The following SIPA1L3 variants were observed in gnomAD, a reference collection of about 807,000 sequenced individuals.
SIPA1L3 encodes the protein signal induced proliferation associated 1 like 3.
Under a neutral mutation model 150.1 loss-of-function variants are expected in SIPA1L3, and 59 were observed. The ratio of observed to expected loss-of-function variants is 0.39; its 90% confidence interval spans 0.32 to 0.49. The LOEUF (loss-of-function observed/expected upper bound fraction) is 0.49, where lower values mean the gene tolerates loss of function less well. Ranked by LOEUF, SIPA1L3 falls within the 20% of genes least tolerant of loss-of-function variation. SIPA1L3 has a pLI of 0.86. For missense variants in SIPA1L3, 2,211 were observed against 2,489.5 expected (o/e 0.89, Z 2.38); for synonymous variants, 1,070 against 1,077.6 (o/e 0.99, Z 0.14).
At chr19:37,935,009 C>T (rs1326170962) in intron 1 of SIPA1L3, among the ~76,000 whole-genome samples, 1 of 151,864 alleles carries the variant, frequency 6.6e-6, no homozygotes, top group African/African-American at 2.4e-5. Context: ...TATTGATAAC[C>T]TTCTTTAATT....
At chr19:38,129,495 C>T (rs28581256) in intron 9 of SIPA1L3, among the ~76,000 whole-genome samples, 22,645 of 151,690 alleles carry the variant, frequency 0.15, 1,757 homozygotes, top group African/African-American at 0.19. Context: ...CATGGTGGCG[C>T]GTGCCTGTAA....
intron 6 of SIPA1L3, among the ~76,000 whole-genome samples, chr19:38,105,911 A>T (rs1450222158): frequency 6.6e-6 from 1 of 152,214 alleles, no homozygotes; most frequent in Non-Finnish European, 1.5e-5. Flanking sequence ...TTATCAATTA[A>T]GCCTATCTTC....
At chr19:38,091,784 G>T (rs548874028) in intron 4 of SIPA1L3, among the ~76,000 whole-genome samples, 1 of 152,160 alleles carries the variant, frequency 6.6e-6, no homozygotes, top group Non-Finnish European at 1.5e-5. Context: ...TAGGCGGGGC[G>T]TGGAGGCTCA....
At chr19:38,125,506 C>T (rs1485448734) in intron 9 of SIPA1L3, among the ~76,000 whole-genome samples, 3 of 151,964 alleles carry the variant, frequency 2.0e-5, no homozygotes, top group Non-Finnish European at 4.4e-5. Flanking sequence ...TTGGCGGAGT[C>T]CTTTTGGAGC....
rs1408490388 is a variant in SIPA1L3, at chr19:37,986,646, T to G, written c.-378-42443T>G. On this transcript the variant is annotated intron_variant, in intron 1 of 21. Transcript: ENST00000222345. ...GAAGACTGCTTCCTCCAGGGCAGCT[T>G]CTTCTTTTCTTAACCCTGGCTGCAC... Among the ~76,000 whole-genome samples the G allele has an allele frequency of 2.0e-5, 3 of 152,306 alleles. No homozygotes were observed. In the South Asian group the frequency reaches 6.2e-4, roughly 32 times the overall value.
At chr19:37,950,972 A>G (rs2046758551) in intron 1 of SIPA1L3, among the ~76,000 whole-genome samples, 1 of 152,202 alleles carries the variant, frequency 6.6e-6, no homozygotes, top group Admixed American at 6.5e-5. Flanking sequence ...GGTGGAGAGG[A>G]AGATCATCTG....
Position 37,907,217 on chromosome 19 carries a change from A to G in SIPA1L3, c.-520A>G, listed in dbSNP as rs533595411. ...CGGCTAGGGCGAAACTACAGTTCCC[A>G]GGAGGACTCGCGCGAAGCGGCTTGG... On this transcript the variant is annotated 5_prime_UTR_variant, in exon 1 of 22. Transcript: ENST00000222345. 1 of 152,524 alleles carries G rather than the reference A, an allele frequency of 6.6e-6. No individual in the cohort carries two copies. Among genetic ancestry groups the G allele is most frequent in the Non-Finnish European group, 1.5e-5 (1 of 68,124 alleles). 9.4% of individuals were successfully genotyped at this position (152,524 alleles called of 1,614,324 possible).
intron 1 of SIPA1L3, among the ~76,000 whole-genome samples, chr19:37,908,336 C>T (rs2046352353): frequency 6.6e-6 from 1 of 152,168 alleles, no homozygotes; most frequent in Non-Finnish European, 1.5e-5. Context: ...ATTTCTAGTC[C>T]AGCGCCATCT....
At chr19:38,089,972 C>T (rs149757902) in intron 4 of SIPA1L3, among the ~76,000 whole-genome samples, 1 of 152,236 alleles carries the variant, frequency 6.6e-6, no homozygotes, top group East Asian at 1.9e-4. Context: ...AACAAGCTCT[C>T]ACCATGTCAT....
At chr19:37,947,881 C>G (rs748807029) in intron 1 of SIPA1L3, among the ~76,000 whole-genome samples, 10 of 152,160 alleles carry the variant, frequency 6.6e-5, no homozygotes, top group South Asian at 6.2e-4. Context: ...CAGCACTTTC[C>G]CTATGCTGGA....
chr19:37,908,756 A>G (rs759227536), intron 1 of SIPA1L3, among the ~76,000 whole-genome samples: 2 of 152,100 alleles, frequency 1.3e-5, no homozygotes, highest in Non-Finnish European at 2.9e-5. Flanking sequence ...ACTATAGTAG[A>G]AAGGCCTAAG....
At chr19:38,057,100 G>A (rs1474744912) in intron 2 of SIPA1L3, among the ~76,000 whole-genome samples, 2 of 151,942 alleles carry the variant, frequency 1.3e-5, no homozygotes, top group African/African-American at 4.8e-5. Flanking sequence ...GCGAAACCCC[G>A]TCTTTACTAC....
intron 1 of SIPA1L3, among the ~76,000 whole-genome samples, chr19:37,977,326 G>T (rs1444177603): frequency 1.3e-5 from 2 of 151,226 alleles, no homozygotes; most frequent in South Asian, 2.1e-4. Context: ...CACCATGCCC[G>T]GCTAATTTTT....
At chr19:37,919,815 A>G (rs1394949198) in intron 1 of SIPA1L3, among the ~76,000 whole-genome samples, 3 of 150,292 alleles carry the variant, frequency 2.0e-5, no homozygotes, top group Admixed American at 6.7e-5. Context: ...GGTTCAAGCA[A>G]TTCTCCTGCC....
In SIPA1L3 at chr19:38,193,716, C is replaced by T. The variant is rs1972856331; in HGVS notation, c.4776C>T (p.His1592=). Residue 1592 remains histidine, a synonymous_variant, in exon 18 of 22, where the codon CAC becomes CAT. Transcript: ENST00000222345. ...STLPARRQHQ[H]PHPPVGPGAT... is the part of the protein sequence containing the mutation. Reference sequence around the variant, plus strand: ...TGCCTGCACGCCGCCAGCACCAGCACCCCCACCCGCCCGTCGGCCCCGGTG... The same window carrying T: ...TGCCTGCACGCCGCCAGCACCAGCATCCCCACCCGCCCGTCGGCCCCGGTG... 2 of 1,566,166 alleles carry T rather than the reference C, an allele frequency of 1.3e-6. No individual in the cohort carries two copies. Among genetic ancestry groups the T allele is most frequent in the Non-Finnish European group, 8.6e-7 (1 of 1,164,610 alleles).
intron 1 of SIPA1L3, among the ~76,000 whole-genome samples, chr19:37,970,864 C>T (rs1377204035): frequency 6.6e-6 from 1 of 152,234 alleles, no homozygotes; most frequent in Non-Finnish European, 1.5e-5. Context: ...GTTTATTTCC[C>T]TCCTGTGAAA....
intron 1 of SIPA1L3, among the ~76,000 whole-genome samples, chr19:37,956,192 G>A (rs1215843217): frequency 6.6e-6 from 1 of 152,168 alleles, no homozygotes; most frequent in African/African-American, 2.4e-5. Flanking sequence ...AACGCTTATT[G>A]TTACAGCCAT....
intron 17 of SIPA1L3, 112 bp downstream of exon 17, chr19:38,192,422 T>C (rs1349572924): frequency 3.9e-6 from 4 of 1,022,010 alleles, no homozygotes; most frequent in Non-Finnish European, 5.5e-6. Flanking sequence ...CTCCTTCCCG[T>C]CGTGTCCCCA....
At chr19:37,943,038 T>C (rs1317560119) in intron 1 of SIPA1L3, among the ~76,000 whole-genome samples, 4 of 143,882 alleles carry the variant, frequency 2.8e-5, no homozygotes, top group South Asian at 2.3e-4. Flanking sequence ...CTCTCTCTTT[T>C]TTTTTTTTTT....
Sources: allele counts gnomAD v4.1 joint callset (sites outside exome capture counted in the v4.1 genomes callset), GRCh38; gene constraint gnomAD v4.1.1; transcripts MANE v1.5; gene names NCBI Gene and HGNC (gene_info 2026-07-23, HGNC 2026-07-21).